The following CACNA1S variants were observed in gnomAD, a reference collection of about 807,000 sequenced individuals.
CACNA1S encodes the protein voltage-dependent L-type calcium channel subunit alpha-1S.
CACNA1S carries 126 observed loss-of-function variants against 207.4 expected under a neutral mutation model. The ratio of observed to expected loss-of-function variants is 0.61; its 90% CI spans 0.53 to 0.70. The LOEUF is 0.70. CACNA1S is among the 30% of genes least tolerant of loss of function. The pLI, the probability that CACNA1S is intolerant of heterozygous loss-of-function variation, is 0.00. For missense variants in CACNA1S, 2,349 were observed against 2,422.8 expected (o/e 0.97, Z 0.64); for synonymous variants, 960 against 932.7 (o/e 1.03, Z -0.53).
chr1:201,110,337 G>A (rs1033554369), intron 1 of CACNA1S, 68 bp from the exon 2 acceptor site: 11 of 1,335,888 alleles, frequency 8.2e-6, no homozygotes, highest in African/African-American at 5.8e-5. Flanking sequence ...GGATGAGGGC[G>A]CTGAGGGTCA....
At chr1:201,061,201 AGGGCTT>A in intron 25 of CACNA1S, 60 bp downstream of exon 25, 1 of 1,449,140 alleles carries the variant, frequency 6.9e-7, no homozygotes, top group Non-Finnish European at 9.7e-7. Context: ...GGCTGAACCT[AGGGCTT>A]GGGCCAGCAG....
At chr1:201,074,442 A>G in intron 14 of CACNA1S, 64 bp downstream of exon 14, 1 of 1,003,888 alleles carries the variant, frequency 1.0e-6, no homozygotes, top group Non-Finnish European at 1.6e-6. Context: ...GGCCCTGTCC[A>G]GAGCTGGAAG....
rs537783893 is a variant in CACNA1S at position 201,075,570 on chromosome 1, T to G, written c.1873A>C (p.Met625Leu). 6.2e-7 allele frequency: 1 copy of G among 1,613,724 alleles called. No individual in the cohort carries two copies. Among genetic ancestry groups the G allele is most frequent in the Non-Finnish European group, 8.5e-7 (1 of 1,179,746 alleles). The change falls in exon 13 of 44, where the codon ATG becomes CTG. Residue 625 changes from methionine (M) to leucine (L), a missense_variant. By Grantham distance (15) the Met-to-Leu change is conservative (BLOSUM62 2). Coordinates refer to ENST00000362061, the MANE Select transcript of CACNA1S (RefSeq NM_000069.3). ...DWTSMMYNGI[M>L]AYGGPSYPGM... Reference sequence around the variant, plus strand: ...GGGTAGGACGGCCCGCCGTAGGCCATGATCCCATTGTACATCATTGAGGTC... The same window carrying G: ...GGGTAGGACGGCCCGCCGTAGGCCAGGATCCCATTGTACATCATTGAGGTC...
intron 6 of CACNA1S, 33 bp from the exon 7 acceptor site, chr1:201,087,962 G>A (rs1381372207): frequency 6.9e-7 from 1 of 1,451,002 alleles, no homozygotes; most frequent in Non-Finnish European, 9.6e-7. Context: ...CCTCTGAGTT[G>A]AGGGCTTGGT....
At chr1:201,050,961 C>A (rs1267064864) in intron 33 of CACNA1S, 23 bp downstream of exon 33, 3 of 1,613,496 alleles carry the variant, frequency 1.9e-6, no homozygotes, top group Non-Finnish European at 2.5e-6. Context: ...CTCTCCCTGC[C>A]CCGCAGGCCC....
chr1:201,107,424 C>A (rs564361754), intron 2 of CACNA1S, among the ~76,000 whole-genome samples: 1 of 152,186 alleles, frequency 6.6e-6, no homozygotes, highest in Non-Finnish European at 1.5e-5. Context: ...ATTTTAACTA[C>A]CTGTTTAATT....
At chr1:201,069,828 C>T (rs1017470351) in intron 17 of CACNA1S, among the ~76,000 whole-genome samples, 1 of 152,164 alleles carries the variant, frequency 6.6e-6, no homozygotes, top group Non-Finnish European at 1.5e-5. Flanking sequence ...AAGCCCCTCC[C>T]ACCACCTGCC....
rs1553252703 is a variant in CACNA1S, at chr1:201,091,396, GCA to G, written c.694+242_694+243del. 1.3e-3 allele frequency among the ~76,000 whole-genome samples: 178 copies of G among 137,546 alleles called. 1 individual carries two copies. The highest frequency in any genetic ancestry group is 3.9e-3 in the African/African-American group (145 of 37,366). 90.2% of individuals were successfully genotyped at this position (137,546 alleles called of 152,430 possible). A position where few individuals can be genotyped will look rare whatever the true frequency, so the allele number is the denominator to read the frequency against. On this transcript the variant is annotated intron_variant, in intron 5 of 43. Coordinates refer to ENST00000362061, the MANE Select transcript of CACNA1S (RefSeq NM_000069.3). ...TGGAACATACCACATTGTATGTGGG[GCA>G]GGGGGGTGACGGTGTTTCAGAACCA...
intron 39 of CACNA1S, among the ~76,000 whole-genome samples, 194 bp from the exon 40 acceptor site, chr1:201,043,725 G>T (rs1051273103): frequency 6.6e-6 from 1 of 152,138 alleles, no homozygotes; most frequent in Non-Finnish European, 1.5e-5. Context: ...TGTTTGATGG[G>T]GTAGACAGCA....
intron 19 of CACNA1S, among the ~76,000 whole-genome samples, chr1:201,067,677 T>C (rs2102127873): frequency 6.6e-6 from 1 of 152,310 alleles, no homozygotes; most frequent in Middle Eastern, 3.4e-3. Flanking sequence ...TCTGGCAATG[T>C]CCCCAGATCT....
chr1:201,090,375 T>C (rs1444598801), intron 5 of CACNA1S, among the ~76,000 whole-genome samples: 1 of 152,104 alleles, frequency 6.6e-6, no homozygotes, highest in African/African-American at 2.4e-5. Flanking sequence ...AGGATGTAGA[T>C]TGTGGTGGTG....
Position 201,059,328 on chromosome 1 carries a change from CA to C in CACNA1S, c.3415-30del, listed in dbSNP as rs148535810. On this transcript the variant is annotated intron_variant, in intron 26 of 43. Coordinates refer to ENST00000362061, the MANE Select transcript of CACNA1S (RefSeq NM_000069.3). ...TGGAGGGGACACAGGAGCAGTGGGT[CA>C]GGGGGGCCGGGTTTGCCCACCCTGT... is the stretch of plus-strand genomic sequence containing the variant. 8.5e-4 allele frequency: 1,282 copies of C among 1,507,832 alleles called. 7 individuals are homozygous for C. In the African/African-American group the frequency reaches 0.015, roughly 18 times the overall value. The allele number at this position is 1,507,832 out of a possible 1,614,324, so 93.4% of individuals were successfully genotyped here.
chr1:201,047,063 G>A, intron 38 of CACNA1S, 52 bp downstream of exon 38: 8 of 1,612,736 alleles, frequency 5.0e-6, no homozygotes, highest in Non-Finnish European at 6.8e-6. Flanking sequence ...CTAGAGTCTG[G>A]AGACCTGGCT....
intron 40 of CACNA1S, 173 bp from the exon 41 acceptor site, chr1:201,041,762 C>A (rs1660231107): frequency 2.9e-6 from 2 of 684,406 alleles, no homozygotes; most frequent in Non-Finnish European, 5.3e-6. Context: ...CCAGCCCTGA[C>A]TCTCTAGGAG....
At position 201,102,837 on chromosome 1, in the gene CACNA1S, A is replaced by G. The variant is rs188443154; in HGVS notation, c.258+7327T>C. Among the ~76,000 whole-genome samples, 99 of 152,214 alleles carry G rather than the reference A, an allele frequency of 6.5e-4. No homozygotes were observed. In the South Asian group the frequency reaches 9.1e-3, roughly 14 times the overall value. Reference sequence around the variant, plus strand: ...CAGTATGCCTGGGACACCTGGGTACATTTGTCAGATCCCGCCCTCAATCCA... The same window carrying G: ...CAGTATGCCTGGGACACCTGGGTACGTTTGTCAGATCCCGCCCTCAATCCA... On this transcript the variant is annotated intron_variant, in intron 2 of 43. Coordinates refer to ENST00000362061, the MANE Select transcript of CACNA1S (RefSeq NM_000069.3).
At chr1:201,104,962 G>A (rs1662822599) in intron 2 of CACNA1S, among the ~76,000 whole-genome samples, 1 of 152,222 alleles carries the variant, frequency 6.6e-6, no homozygotes, top group South Asian at 2.1e-4. Context: ...CCTGCCTCAT[G>A]GGCATTCAGT....
intron 1 of CACNA1S, 51 bp downstream of exon 1, chr1:201,112,137 C>G: frequency 1.2e-4 from 188 of 1,521,986 alleles, no homozygotes; most frequent in Middle Eastern, 1.7e-4. Context: ...CACCCCGAAT[C>G]CCTCCCTCAT....
chr1:201,040,168 C>A (rs1458661396), intron 43 of CACNA1S, 63 bp downstream of exon 43: 2 of 1,611,986 alleles, frequency 1.2e-6, no homozygotes, highest in Admixed American at 3.3e-5. Flanking sequence ...CCTCTCTCCA[C>A]GCCAGGCCAT....
At chr1:201,044,480 T>C in intron 38 of CACNA1S, 24 bp from the exon 39 acceptor site, 5 of 1,610,078 alleles carry the variant, frequency 3.1e-6, no homozygotes, top group South Asian at 1.1e-5. Context: ...AGGGACTCAG[T>C]TATCTCTCCA....
Sources: gnomAD v4.1 joint callset for allele counts (sites outside exome capture counted in the v4.1 genomes callset) on GRCh38, gnomAD v4.1.1 for gene constraint, MANE v1.5 for transcripts, NCBI Gene and HGNC (gene_info 2026-07-23, HGNC 2026-07-21) for gene names.